Variants in SLC44A2 observed in about 807,000 individuals in gnomAD.
The protein encoded by SLC44A2 is solute carrier family 44 member 2 (CTL2 blood group).
A neutral mutation model predicts 90.8 loss-of-function variants in SLC44A2; 57 were observed. The observed-to-expected ratio is 0.63, with a 90% CI of 0.51 to 0.78. The LOEUF (loss-of-function observed/expected upper bound fraction) is 0.78. Among genes scored for constraint, SLC44A2 ranks in the 30% least tolerant of loss-of-function variants. SLC44A2 has a pLI of 0.00. For synonymous variants in SLC44A2, 355 were observed against 360.7 expected (o/e 0.98, Z 0.18); for missense variants, 794 against 919.7 (o/e 0.86, Z 1.77).
At chr19:10,615,264 T>C (rs984723302) in intron 1 of SLC44A2, among the ~76,000 whole-genome samples, 1 of 148,258 alleles carries the variant, frequency 6.7e-6, no homozygotes, top group African/African-American at 2.5e-5. Flanking sequence ...AAATCCTGTC[T>C]CTACCAAAAA....
chr19:10,606,935 G>A (rs375959987), intron 1 of SLC44A2, among the ~76,000 whole-genome samples: 176 of 139,442 alleles, frequency 1.3e-3, no homozygotes, highest in African/African-American at 4.5e-3. Flanking sequence ...TTTTTGAGAC[G>A]GAGTCTCGCT....
intron 1 of SLC44A2, among the ~76,000 whole-genome samples, chr19:10,615,982 C>T (rs545735103): frequency 1.2e-4 from 18 of 151,906 alleles, no homozygotes; most frequent in South Asian, 2.1e-4. Context: ...GGCAACATAG[C>T]GAAACCCTGT....
intron 21 of SLC44A2, chr19:10,642,802 A>G (rs570094823): frequency 1.4e-6 from 2 of 1,414,226 alleles, no homozygotes; most frequent in Non-Finnish European, 1.9e-6. Context: ...CCTCTCCTCC[A>G]TGCCTGCTGG....
At chr19:10,642,544 C>A in intron 21 of SLC44A2, 93 bp downstream of exon 21, 1 of 1,179,628 alleles carries the variant, frequency 8.5e-7, no homozygotes, top group Non-Finnish European at 1.3e-6. Context: ...ACACGCTTGC[C>A]TGCCCCCAGC....
At chr19:10,636,069 G>C in intron 14 of SLC44A2, 2 of 499,360 alleles carry the variant, frequency 4.0e-6, no homozygotes, top group Middle Eastern at 5.4e-4. Context: ...GAGCCACCTC[G>C]CCCGGCCCAT....
chr19:10,603,539 A>C (rs896418141), intron 1 of SLC44A2, among the ~76,000 whole-genome samples: 10 of 152,184 alleles, frequency 6.6e-5, no homozygotes, highest in Non-Finnish European at 1.5e-4. Flanking sequence ...AGTTGGGTAG[A>C]GCTGTGCCTC....
chr19:10,618,934 T>TCTAC (rs935768053), intron 1 of SLC44A2, among the ~76,000 whole-genome samples: 4 of 151,456 alleles, frequency 2.6e-5, no homozygotes, highest in African/African-American at 9.7e-5. Flanking sequence ...CCCTGTAAAT[T>TCTAC]CTACATGTAT....
Position 10,636,658 on chromosome 19 carries a change from G to A in SLC44A2, c.1497-4G>A, listed in dbSNP as rs1022820889. 4.3e-6 allele frequency: 7 copies of A among 1,612,108 alleles called. No homozygotes were observed. The highest frequency in any genetic ancestry group is 1.7e-6 in the Non-Finnish European group (2 of 1,179,464). ...CAGCCACCGACCACTCCCTCGGCCC[G>A]CAGGTACCACACAGGCTCCCTGGCC... On this transcript the variant is annotated splice_polypyrimidine_tract_variant and splice_region_variant and intron_variant, in intron 15 of 21. Transcript: ENST00000335757.
Position 10,637,644 on chromosome 19 carries a change from C to T in SLC44A2, c.1592C>T (p.Ala531Val), listed in dbSNP as rs1249483153. The T allele has an allele frequency of 5.6e-6, 9 of 1,613,234 alleles. No individual in the cohort carries two copies. In the South Asian group the frequency reaches 6.6e-5, roughly 12 times the overall value. Residue 531 changes from alanine to valine, a missense_variant and splice_region_variant, in exon 17 of 22, where the codon GCT (alanine) becomes GTT (valine). By Grantham distance (64) the Ala-to-Val change is moderately conservative. Coordinates refer to ENST00000335757, the MANE Select transcript of SLC44A2 (RefSeq NM_020428.4). ...CCACATCCCTTCCCTTCTCTTCCAGCTGCAGAGAACAAGTTTGCCAAGTGC... is the reference window on the plus strand; with the variant it reads ...CCACATCCCTTCCCTTCTCTTCCAGTTGCAGAGAACAAGTTTGCCAAGTGC... ...ILEYLDQRLKAAENKFAKCLM... is the reference protein window; with the variant it reads ...ILEYLDQRLKVAENKFAKCLM...
At chr19:10,628,139 C>T in intron 4 of SLC44A2, 135 bp downstream of exon 4, 2 of 772,154 alleles carry the variant, frequency 2.6e-6, no homozygotes, top group Non-Finnish European at 4.3e-6. Flanking sequence ...AATTCCAACA[C>T]TTTGGGAGGC....
At chr19:10,634,129 C>CCT in intron 10 of SLC44A2, among the ~76,000 whole-genome samples, 1 of 143,524 alleles carries the variant, frequency 7.0e-6, no homozygotes, top group Admixed American at 7.2e-5. Context: ...CACCACCACG[C>CCT]CCAGCTAATT....
chr19:10,640,517 T>C (rs915696727), intron 20 of SLC44A2, among the ~76,000 whole-genome samples: 15 of 152,102 alleles, frequency 9.9e-5, no homozygotes, highest in African/African-American at 3.6e-4. Context: ...GGTCTTGAAC[T>C]CTGGACTCAA....
Position 10,627,986 on chromosome 19 carries a change from A to G in SLC44A2, c.227A>G (p.Gln76Arg). 1 of 1,613,634 alleles carries G rather than the reference A, an allele frequency of 6.2e-7. No homozygotes were observed. The highest frequency in any genetic ancestry group is 8.5e-7 in the Non-Finnish European group (1 of 1,179,776). Residue 76 changes from glutamine to arginine, a missense_variant, in exon 4 of 22, where the codon CAG becomes CGG. By Grantham distance (43) the Gln-to-Arg change is conservative. Around this residue, in one of 3 missense-constraint regions of SLC44A2, gnomAD observed 738 missense variants for 841.1 expected, o/e 0.88. Transcript: ENST00000335757. Reference protein sequence around the residue: ...PTDSRGEFCGQKGTKNENKPY... With the variant: ...PTDSRGEFCGRKGTKNENKPY... Reference sequence around the variant, plus strand: ...GACAGCCGGGGCGAGTTCTGCGGGCAGAAGGGCACAAAAAACGAGTGAGTT... The same window carrying G: ...GACAGCCGGGGCGAGTTCTGCGGGCGGAAGGGCACAAAAAACGAGTGAGTT...
Position 10,631,865 on chromosome 19 carries a change from C to T in SLC44A2, c.627-3C>T. On this transcript the variant is annotated splice_region_variant and splice_polypyrimidine_tract_variant and intron_variant, in intron 8 of 21. Transcript: ENST00000335757. The stretch of plus-strand genomic sequence containing the variant: ...GACCCGAGCCTTGTCCTCCTTCCCC[C>T]AGGAAAGCCAATGGAGTCCTAGAGG... The T allele has an allele frequency of 6.2e-7, 1 of 1,614,242 alleles. No homozygotes were observed. The highest frequency in any genetic ancestry group is 2.2e-5 in the East Asian group (1 of 44,890).
intron 1 of SLC44A2, among the ~76,000 whole-genome samples, chr19:10,616,429 G>T (rs934629413): frequency 6.6e-6 from 1 of 151,726 alleles, no homozygotes; most frequent in Non-Finnish European, 1.5e-5. Context: ...TTGTTTTGTT[G>T]TTTTTTTAGA....
intron 1 of SLC44A2, among the ~76,000 whole-genome samples, chr19:10,619,706 C>G (rs1461112538): frequency 1.3e-5 from 2 of 152,126 alleles, no homozygotes; most frequent in Non-Finnish European, 2.9e-5. Context: ...GTAATCCCAG[C>G]ACTTCCAGAG....
At chr19:10,627,841 G>A (rs754248378) in intron 3 of SLC44A2, 46 bp downstream of exon 3, 8 of 1,612,132 alleles carry the variant, frequency 5.0e-6, no homozygotes, top group Non-Finnish European at 6.8e-6. Context: ...GTAGGCGGAG[G>A]CAGCCATGGC....
At chr19:10,633,942 A>G (rs2144867692) in intron 10 of SLC44A2, among the ~76,000 whole-genome samples, 1 of 147,106 alleles carries the variant, frequency 6.8e-6, no homozygotes, top group South Asian at 2.2e-4. Flanking sequence ...GTTCGAGACC[A>G]GCCTGACCAA....
chr19:10,609,768 A>T (rs902288827), intron 1 of SLC44A2, among the ~76,000 whole-genome samples: 10 of 151,750 alleles, frequency 6.6e-5, no homozygotes, highest in African/African-American at 2.4e-4. Context: ...CCCAGCCCAT[A>T]ACTCTTTTTA....
Sources: gnomAD v4.1 joint callset for allele counts (sites outside exome capture counted in the v4.1 genomes callset) on GRCh38, gnomAD v4.1.1 for gene constraint, gnomAD v4.1.1 regional missense constraint, MANE v1.5 for transcripts, NCBI Gene and HGNC (gene_info 2026-07-23, HGNC 2026-07-21) for gene names.